DNAJC25: variants seen among roughly 807,000 people sequenced by gnomAD.
DNAJC25 encodes DnaJ heat shock protein family (Hsp40) member C25, also known as dnaJ homolog subfamily C member 25.
A neutral mutation model predicts 42.1 loss-of-function variants in DNAJC25; 26 were observed. The ratio of observed to expected loss-of-function variants is 0.62; its 90% CI spans 0.45 to 0.86. The LOEUF is 0.86. DNAJC25 is among the 40% of genes least tolerant of loss of function. DNAJC25 has a pLI of 0.00. For missense variants in DNAJC25, 404 were observed against 459.4 expected, an observed-to-expected ratio of 0.88 and a Z score of 1.10; for synonymous variants, 189 against 179.9, an observed-to-expected ratio of 1.05 and a Z score of -0.40.
At chr9:111,652,282 G>T (rs901276574) in intron 3 of DNAJC25, among the ~76,000 whole-genome samples, 13 of 151,832 alleles carry the variant, frequency 8.6e-5, no homozygotes, top group Non-Finnish European at 1.9e-4. Flanking sequence ...GGCCGAGGTA[G>T]GTGGATCACT....
In DNAJC25 at chr9:111,647,251, G is replaced by A; in HGVS notation, c.481G>A (p.Val161Met). The A allele has an allele frequency of 6.2e-7, 1 of 1,614,064 alleles. No homozygotes were observed. The highest frequency in any genetic ancestry group is 1.3e-5 in the African/African-American group (1 of 75,024). Reference sequence around the variant, plus strand: ...TTTGGTCAGCGTGTGTGCTATTTCGGTGTTTCAGGTATGTATCAATGGATA... The same window carrying A: ...TTTGGTCAGCGTGTGTGCTATTTCGATGTTTCAGGTATGTATCAATGGATA... ...VILVSVCAIS[V>M]FQFFSWWNSY... The change falls in exon 2 of 4, where the codon GTG becomes ATG. Residue 161 changes from valine to methionine, a missense_variant. Val to Met is a conservative substitution (Grantham distance 21). Transcript: ENST00000313525.
At chr9:111,652,903 A>G (rs1830685323) in intron 3 of DNAJC25, among the ~76,000 whole-genome samples, 197 bp from the exon 4 acceptor site, 1 of 150,874 alleles carries the variant, frequency 6.6e-6, no homozygotes, top group East Asian at 1.9e-4. Flanking sequence ...TGAATGTTAA[A>G]ATGGTAAATT....
intron 1 of DNAJC25, among the ~76,000 whole-genome samples, chr9:111,639,921 C>T (rs977569548): frequency 2.1e-5 from 3 of 141,232 alleles, no homozygotes; most frequent in Admixed American, 7.2e-5. Context: ...TCTCCCTCTC[C>T]CTCTCCCTCT....
At chr9:111,652,375 G>A (rs1295082610) in intron 3 of DNAJC25, among the ~76,000 whole-genome samples, 2 of 151,154 alleles carry the variant, frequency 1.3e-5, no homozygotes, top group African/African-American at 2.4e-5. Flanking sequence ...AAAATTAGCC[G>A]GGCGTGGTGG....
chr9:111,647,346 ATCT>A (rs1194537976), intron 2 of DNAJC25, 87 bp downstream of exon 2: 3 of 1,465,072 alleles, frequency 2.0e-6, no homozygotes, highest in East Asian at 4.7e-5. Context: ...AACTGCGAGT[ATCT>A]TCTTGTAAAA....
Position 111,649,883 on chromosome 9 carries a change from C to CT in DNAJC25, c.924dup (p.Leu309SerfsTer2), listed in dbSNP as rs1262695934. 1.3e-6 allele frequency: 2 copies of CT among 1,597,528 alleles called. No homozygotes were observed. ...AGTCTAGAAGATCATCAGAAAGAAACTTTTCTTAAACGAGAGCTCTGGATC... is the reference window on the plus strand; with the variant it reads ...AGTCTAGAAGATCATCAGAAAGAAACTTTTTCTTAAACGAGAGCTCTGGATC... On this transcript the variant is annotated frameshift_variant, in exon 3 of 4. Coordinates refer to ENST00000313525, the MANE Select transcript of DNAJC25 (RefSeq NM_001015882.3). LOFTEE classifies it high-confidence loss of function.
chr9:111,643,107 A>G (rs768593812), intron 1 of DNAJC25: 3 of 321,058 alleles, frequency 9.3e-6, no homozygotes, highest in Non-Finnish European at 1.9e-5. Context: ...AAGATATTAA[A>G]CTGTTTTAAG....
At chr9:111,637,990 T>C (rs1830388645) in intron 1 of DNAJC25, among the ~76,000 whole-genome samples, 1 of 152,222 alleles carries the variant, frequency 6.6e-6, no homozygotes, top group Admixed American at 6.5e-5. Context: ...CTCAACTGTA[T>C]CCTTGACCTA....
chr9:111,636,686 A>T (rs557762007), intron 1 of DNAJC25, among the ~76,000 whole-genome samples: 1 of 152,326 alleles, frequency 6.6e-6, no homozygotes, highest in East Asian at 1.9e-4. Context: ...TATAGTCCAC[A>T]GATGGCATAT....
In DNAJC25 at chr9:111,631,443, C is replaced by A. The variant is rs529967238; in HGVS notation, c.36C>A (p.Ala12=). Residue 12 remains alanine (A), a synonymous_variant, in exon 1 of 4, where the codon GCC becomes GCA. Transcript: ENST00000313525. ...GAPLLSPGWG[A]GAAGRRWWML... ...CGCTGCTCTCTCCCGGCTGGGGAGC[C>A]GGGGCTGCCGGCCGGCGCTGGTGGA... The A allele has an allele frequency of 2.1e-4, 267 of 1,300,240 alleles. 1 individual carries two copies. The East Asian group carries it at 8.0e-3, about 39-fold the overall frequency. 80.5% of individuals were successfully genotyped at this position (1,300,240 alleles called of 1,614,324 possible).
In DNAJC25 at chr9:111,641,512, C is replaced by G. The variant is rs754952926; in HGVS notation, c.337-5595C>G. Among the ~76,000 whole-genome samples the G allele has an allele frequency of 8.0e-3, 723 of 90,558 alleles. 104 individuals are homozygous for G. In the East Asian group the frequency reaches 0.08, roughly 10 times the overall value. The allele number at this position is 90,558 out of a possible 152,430, so 59.4% of individuals were successfully genotyped here. On this transcript the variant is annotated intron_variant, in intron 1 of 3. Transcript: ENST00000313525. ...GAGCCCCTCTGCCCGGCCAGCCGCCCGGTCCGGGAGGGAGGTGGGGGGGTC... is the reference window on the plus strand; with the variant it reads ...GAGCCCCTCTGCCCGGCCAGCCGCCGGGTCCGGGAGGGAGGTGGGGGGGTC...
chr9:111,643,950 T>G (rs1322106995), intron 1 of DNAJC25, among the ~76,000 whole-genome samples: 1 of 152,224 alleles, frequency 6.6e-6, no homozygotes. Flanking sequence ...TGTTGAGAAC[T>G]CCTAAGTTTT....
At chr9:111,648,297 T>A (rs1024865904) in intron 2 of DNAJC25, among the ~76,000 whole-genome samples, 7 of 151,608 alleles carry the variant, frequency 4.6e-5, no homozygotes, top group African/African-American at 1.7e-4. Context: ...AGTCTCACTC[T>A]GTCACCCAGA....
At chr9:111,635,685 G>T (rs1180843585) in intron 1 of DNAJC25, among the ~76,000 whole-genome samples, 1 of 152,218 alleles carries the variant, frequency 6.6e-6, no homozygotes, top group East Asian at 1.9e-4. Flanking sequence ...ATGGCATTTT[G>T]CAGGATCACA....
chr9:111,649,909 A>G lies in DNAJC25; in HGVS notation c.946A>G (p.Lys316Glu), dbSNP rs775851645. ...ETFLKRELWIKENYEVYKQEQ... is the reference protein window; with the variant it reads ...ETFLKRELWIEENYEVYKQEQ... The stretch of plus-strand genomic sequence containing the variant: ...TTTTCTTAAACGAGAGCTCTGGATC[A>G]AGGAGAATTATGAGGTGAGTAGTCA... Residue 316 changes from lysine (K) to glutamate (E), a missense_variant, in exon 3 of 4, where the codon AAG becomes GAG. Coordinates refer to ENST00000313525, the MANE Select transcript of DNAJC25 (RefSeq NM_001015882.3). 3 of 1,577,452 alleles carry G rather than the reference A, an allele frequency of 1.9e-6. No individual in the cohort carries two copies. The highest frequency in any genetic ancestry group is 2.6e-6 in the Non-Finnish European group (3 of 1,167,036).
At chr9:111,634,737 T>A (rs1830339607) in intron 1 of DNAJC25, among the ~76,000 whole-genome samples, 1 of 149,966 alleles carries the variant, frequency 6.7e-6, no homozygotes, top group Non-Finnish European at 1.5e-5. Context: ...TTTTTTTTTT[T>A]AGGTGGTGGT....
chr9:111,649,428 C>A (rs2131269235), intron 2 of DNAJC25, 25 bp from the exon 3 acceptor site: 2 of 1,528,038 alleles, frequency 1.3e-6, no homozygotes, highest in East Asian at 4.6e-5. Context: ...GAAAATGACT[C>A]ATTGTTCTCT....
intron 1 of DNAJC25, among the ~76,000 whole-genome samples, chr9:111,640,072 G>A (rs1412514671): frequency 6.6e-6 from 1 of 151,748 alleles, no homozygotes; most frequent in Non-Finnish European, 1.5e-5. Flanking sequence ...GAATGCCTGC[G>A]ATTGCAGGCA....
At chr9:111,638,534 A>G (rs185438020) in intron 1 of DNAJC25, among the ~76,000 whole-genome samples, 1 of 152,258 alleles carries the variant, frequency 6.6e-6, no homozygotes, top group East Asian at 1.9e-4. Flanking sequence ...TCCTAGTTCA[A>G]AATCTTCCAC....
Sources: allele counts gnomAD v4.1 joint callset (sites outside exome capture counted in the v4.1 genomes callset), GRCh38; gene constraint gnomAD v4.1.1; transcripts MANE v1.5; gene names NCBI Gene and HGNC (gene_info 2026-07-23, HGNC 2026-07-21).